Variants in RABGAP1L observed in about 807,000 individuals in gnomAD.
The protein encoded by RABGAP1L is rab GTPase-activating protein 1-like.
In RABGAP1L, 63 loss-of-function variants were observed where a neutral mutation model predicts 137.7. That is an observed-to-expected ratio of 0.46 (90% CI 0.37 to 0.56). The LOEUF is 0.56. Among genes scored for constraint, RABGAP1L ranks in the 20% least tolerant of loss-of-function variants. RABGAP1L has a pLI of 0.00. For missense variants in RABGAP1L, 1,095 were observed against 1,244.0 expected (o/e 0.88, Z 1.80); for synonymous variants, 431 against 433.7 (o/e 0.99, Z 0.08).
At chr1:174,931,035 A>G (rs1004145102) in intron 19 of RABGAP1L, among the ~76,000 whole-genome samples, 1 of 152,170 alleles carries the variant, frequency 6.6e-6, no homozygotes, top group East Asian at 1.9e-4. Flanking sequence ...TTTTAGCCAG[A>G]AACATTTAAA....
At chr1:174,637,338 A>T in intron 13 of RABGAP1L, 37 bp from the exon 14 acceptor site, 1 of 1,446,410 alleles carries the variant, frequency 6.9e-7, no homozygotes, top group South Asian at 1.2e-5. Context: ...AACTGGGAAA[A>T]AATTTAATAA....
intron 15 of RABGAP1L, among the ~76,000 whole-genome samples, chr1:174,690,356 A>G (rs1318384618): frequency 6.6e-6 from 1 of 152,178 alleles, no homozygotes; most frequent in Non-Finnish European, 1.5e-5. Flanking sequence ...TGCAGTTATG[A>G]GATTAAAACC....
intron 13 of RABGAP1L, among the ~76,000 whole-genome samples, chr1:174,516,494 C>T (rs1260453346): frequency 2.0e-5 from 3 of 152,130 alleles, no homozygotes; most frequent in Admixed American, 6.6e-5. Flanking sequence ...GCTGGTATTA[C>T]AGGTGTGAGC....
intron 7 of RABGAP1L, among the ~76,000 whole-genome samples, chr1:174,268,842 T>G (rs1674303991): frequency 6.6e-6 from 1 of 152,176 alleles, no homozygotes; most frequent in African/African-American, 2.4e-5. Flanking sequence ...AGCTTTCTCT[T>G]CTTAATGGTA....
intron 18 of RABGAP1L, among the ~76,000 whole-genome samples, chr1:174,796,459 C>A (rs1688249084): frequency 6.6e-6 from 1 of 151,978 alleles, no homozygotes; most frequent in African/African-American, 2.4e-5. Context: ...TTTCATTTCA[C>A]CAAGTAGTGT....
intron 3 of RABGAP1L, among the ~76,000 whole-genome samples, chr1:174,224,110 T>C (rs1460944405): frequency 6.6e-6 from 1 of 152,164 alleles, no homozygotes; most frequent in African/African-American, 2.4e-5. Context: ...CAATGGAGCA[T>C]ATTTTTGTGA....
rs1257688714 is a variant in RABGAP1L at position 174,957,498 on chromosome 1, G to C, written c.2382G>C (p.Gln794His). 1 of 1,613,686 alleles carries C rather than the reference G, an allele frequency of 6.2e-7. No homozygotes were observed. Among genetic ancestry groups the C allele is most frequent in the Non-Finnish European group, 8.5e-7 (1 of 1,179,682 alleles). The change falls in exon 20 of 26, where the codon CAG becomes CAC. Residue 794 changes from glutamine (Q) to histidine (H), a missense_variant. Gln to His is a conservative substitution (Grantham distance 24, BLOSUM62 0). This residue lies in a region of RABGAP1L where 312 missense variants were observed against 435.6 expected (regional missense o/e 0.72). Coordinates refer to ENST00000681986, the MANE Select transcript of RABGAP1L (RefSeq NM_001366446.1). The part of the protein sequence containing the change: ...KKLKKYEKEY[Q>H]TMRESQLQQE... ...TGAAGAAATATGAGAAAGAATATCA[G>C]ACAATGCGAGAGAGTCAGCTGCAAC...
chr1:174,400,293 TCAG>T (rs1260872247), intron 13 of RABGAP1L, among the ~76,000 whole-genome samples: 2 of 152,176 alleles, frequency 1.3e-5, no homozygotes, highest in Non-Finnish European at 2.9e-5. Context: ...TAATACTATG[TCAG>T]CAGCCATTGC....
rs1672168227 is a variant in RABGAP1L at position 174,993,195 on chromosome 1, C to CAAAG, written c.*3198_*3201dup. ...TTATTTAGTTACATATAATTTAATG[C>CAAAG]AAAGAAATTCTGTTACTTAATGTTC... On this transcript the variant is annotated 3_prime_UTR_variant, in exon 26 of 26. Coordinates refer to ENST00000681986, the MANE Select transcript of RABGAP1L (RefSeq NM_001366446.1). 6.6e-6 allele frequency: 1 copy of CAAAG among 152,174 alleles called. No homozygotes were observed. Among genetic ancestry groups the CAAAG allele is most frequent in the African/African-American group, 2.4e-5 (1 of 41,450 alleles). 9.4% of individuals were successfully genotyped at this position (152,174 alleles called of 1,614,324 possible). A position where few individuals can be genotyped will look rare whatever the true frequency, so the allele number is the denominator to read the frequency against.
chr1:174,613,215 C>A (rs1423047255), intron 13 of RABGAP1L, among the ~76,000 whole-genome samples: 1 of 151,774 alleles, frequency 6.6e-6, no homozygotes, highest in Non-Finnish European at 1.5e-5. Context: ...TTTCCCTCTA[C>A]ACAGTGCTTT....
At chr1:174,984,841 G>A (rs1671451304) in intron 24 of RABGAP1L, among the ~76,000 whole-genome samples, 1 of 152,186 alleles carries the variant, frequency 6.6e-6, no homozygotes, top group African/African-American at 2.4e-5. Context: ...ACCAAAAAAG[G>A]CTTTATGGAG....
chr1:174,973,384 C>CTTTTTTTTTTTTTTTTTTTTTTTTTTT (rs1373728383), intron 21 of RABGAP1L, among the ~76,000 whole-genome samples: 1 of 94,064 alleles, frequency 1.1e-5, no homozygotes, highest in Non-Finnish European at 2.5e-5. Context: ...TCTTTCATTT[C>CTTTTTTTTTTTTTTTTTTTTTTTTTTT]TTTTTTTTTT....
chr1:174,409,380 G>A (rs1049147419), intron 13 of RABGAP1L, among the ~76,000 whole-genome samples: 3 of 152,012 alleles, frequency 2.0e-5, no homozygotes, highest in African/African-American at 7.2e-5. Flanking sequence ...TCTTAATCCT[G>A]TTATCTTCGT....
chr1:174,751,049 C>A (rs1448523033), intron 17 of RABGAP1L, among the ~76,000 whole-genome samples: 1 of 151,944 alleles, frequency 6.6e-6, no homozygotes. Context: ...AGGATAATTG[C>A]TTAGTATGGT....
In RABGAP1L at chr1:174,548,069, C is replaced by T. The variant is rs562460469; in HGVS notation, c.1711-89306C>T. The T allele has an allele frequency of 6.5e-6, 10 of 1,549,268 alleles. No individual in the cohort carries two copies. The South Asian group carries it at 1.2e-4, about 18-fold the overall frequency. Reference sequence around the variant, plus strand: ...AATGCCTGTTAAATGCGTCAGTGCTCTTGGCAGCTTAGCATGAGTGCTTTC... The same window carrying T: ...AATGCCTGTTAAATGCGTCAGTGCTTTTGGCAGCTTAGCATGAGTGCTTTC... On this transcript the variant is annotated intron_variant, in intron 13 of 25. Coordinates refer to ENST00000681986, the MANE Select transcript of RABGAP1L (RefSeq NM_001366446.1).
chr1:174,698,645 T>C (rs1405053973), intron 15 of RABGAP1L, among the ~76,000 whole-genome samples: 1 of 152,066 alleles, frequency 6.6e-6, no homozygotes, highest in East Asian at 1.9e-4. Flanking sequence ...TATAGTACTT[T>C]TATATAATGG....
chr1:174,320,019 A>G (rs756701795), intron 11 of RABGAP1L, among the ~76,000 whole-genome samples: 6 of 152,254 alleles, frequency 3.9e-5, no homozygotes, highest in Non-Finnish European at 8.8e-5. Flanking sequence ...CAAAAACAGG[A>G]CATTTGACTG....
chr1:174,819,361 C>T (rs1303287867), intron 19 of RABGAP1L, among the ~76,000 whole-genome samples: 1 of 151,996 alleles, frequency 6.6e-6, no homozygotes. Context: ...TCCAATGACT[C>T]TTAATTTCTT....
At chr1:174,332,928 A>G (rs967154598) in intron 11 of RABGAP1L, among the ~76,000 whole-genome samples, 12 of 152,244 alleles carry the variant, frequency 7.9e-5, no homozygotes, top group African/African-American at 2.9e-4. Context: ...AATGTCCATC[A>G]GTGGATGAAT....
Sources: allele counts gnomAD v4.1 joint callset (sites outside exome capture counted in the v4.1 genomes callset), GRCh38; gene constraint gnomAD v4.1.1; regional missense constraint gnomAD v4.1.1; transcripts MANE v1.5; gene names NCBI Gene and HGNC (gene_info 2026-07-23, HGNC 2026-07-21).